Variants in ROBO1 observed in about 807,000 individuals in gnomAD.
ROBO1 encodes the protein roundabout guidance receptor 1.
A neutral mutation model predicts 195.9 loss-of-function variants in ROBO1; 149 were observed. The ratio of observed to expected loss-of-function variants is 0.76; its 90% confidence interval spans 0.67 to 0.87. The LOEUF (loss-of-function observed/expected upper bound fraction) is 0.87. Among genes scored for constraint, ROBO1 ranks in the 40% least tolerant of loss-of-function variants. The probability of loss-of-function intolerance (pLI) is 0.00; values close to 1 mark genes in which losing one functional copy is unlikely to be tolerated. For synonymous variants in ROBO1, 816 were observed against 733.2 expected, an observed-to-expected ratio of 1.11 and a Z score of -1.82; for missense variants, 1,933 against 2,068.3, an observed-to-expected ratio of 0.93 and a Z score of 1.27.
intron 3 of ROBO1, 68 bp from the exon 4 acceptor site, chr3:78,938,995 A>G: frequency 2.9e-6 from 4 of 1,363,498 alleles, no homozygotes; most frequent in Non-Finnish European, 4.1e-6. Flanking sequence ...TTTTTAAAGC[A>G]TTGGCTTAAC....
intron 1 of ROBO1, among the ~76,000 whole-genome samples, chr3:79,631,883 C>A (rs1387756114): frequency 6.6e-6 from 1 of 152,036 alleles, no homozygotes; most frequent in African/African-American, 2.4e-5. Flanking sequence ...AAATGCTCAA[C>A]ATCACTAATT....
At chr3:79,678,301 A>G (rs1234275217) in intron 1 of ROBO1, among the ~76,000 whole-genome samples, 1 of 151,966 alleles carries the variant, frequency 6.6e-6, no homozygotes, top group South Asian at 2.1e-4. Context: ...CACTATATAT[A>G]TATATATAAA....
chr3:78,884,841 ACT>A (rs139880326), intron 4 of ROBO1, among the ~76,000 whole-genome samples: 64,756 of 141,238 alleles, frequency 0.46, 16,058 homozygotes, highest in African/African-American at 0.71. Flanking sequence ...GAAGAAATAG[ACT>A]CTCTCTCTCT....
intron 3 of ROBO1, among the ~76,000 whole-genome samples, chr3:78,985,669 G>C (rs2077090440): frequency 6.6e-6 from 1 of 152,130 alleles, no homozygotes; most frequent in African/African-American, 2.4e-5. Flanking sequence ...ACGAGATCCT[G>C]GTGGCAGAGT....
intron 3 of ROBO1, among the ~76,000 whole-genome samples, chr3:78,992,309 C>T (rs896890283): frequency 6.6e-6 from 1 of 152,188 alleles, no homozygotes; most frequent in South Asian, 2.1e-4. Context: ...TTCCTTGGTA[C>T]GTTTATTGGT....
intron 3 of ROBO1, among the ~76,000 whole-genome samples, chr3:79,002,657 T>G (rs2077532598): frequency 6.6e-6 from 1 of 152,118 alleles, no homozygotes; most frequent in Non-Finnish European, 1.5e-5. Context: ...TACTATGAAT[T>G]TCCCAGGCTT....
chr3:79,652,960 C>A (rs1460433170), intron 1 of ROBO1, among the ~76,000 whole-genome samples: 1 of 151,824 alleles, frequency 6.6e-6, no homozygotes, highest in Non-Finnish European at 1.5e-5. Context: ...AACATAGTAA[C>A]CTAATTGTGC....
intron 3 of ROBO1, among the ~76,000 whole-genome samples, chr3:78,949,454 C>T (rs917340054): frequency 9.9e-5 from 15 of 151,418 alleles, no homozygotes; most frequent in African/African-American, 3.2e-4. Flanking sequence ...AACTGGCTAG[C>T]CATATGTAGA....
At chr3:78,968,101 G>A (rs2076685803) in intron 3 of ROBO1, among the ~76,000 whole-genome samples, 3 of 152,016 alleles carry the variant, frequency 2.0e-5, no homozygotes, top group Non-Finnish European at 4.4e-5. Context: ...CAAAAGATCT[G>A]CAAGTTTTAT....
chr3:78,640,004 T>G, intron 21 of ROBO1, 106 bp from the exon 22 acceptor site: 1 of 909,138 alleles, frequency 1.1e-6, no homozygotes, highest in Non-Finnish European at 1.6e-6. Context: ...ACAAATCATC[T>G]GATGAACTAT....
chr3:79,691,296 C>T (rs1027253849), intron 1 of ROBO1, among the ~76,000 whole-genome samples: 1 of 151,694 alleles, frequency 6.6e-6, no homozygotes, highest in Non-Finnish European at 1.5e-5. Flanking sequence ...TACTTACTAT[C>T]TCAATATTCC....
intron 26 of ROBO1, among the ~76,000 whole-genome samples, chr3:78,620,474 T>C (rs1704387522): frequency 6.6e-6 from 1 of 152,164 alleles, no homozygotes; most frequent in Admixed American, 6.5e-5. Context: ...ATCGTGCCAC[T>C]GCACTGCATC....
intron 21 of ROBO1, among the ~76,000 whole-genome samples, chr3:78,644,252 T>C (rs1706143517): frequency 6.6e-6 from 1 of 152,120 alleles, no homozygotes; most frequent in Non-Finnish European, 1.5e-5. Context: ...CAACTGCTGA[T>C]ATTGTACAGC....
chr3:79,066,191 G>C (rs550291404), intron 3 of ROBO1, among the ~76,000 whole-genome samples: 1 of 151,948 alleles, frequency 6.6e-6, no homozygotes, highest in African/African-American at 2.4e-5. Flanking sequence ...ACTAAGGATG[G>C]GTACTTGGGT....
chr3:79,355,187 C>CA (rs750719790), intron 2 of ROBO1, among the ~76,000 whole-genome samples: 175 of 145,930 alleles, frequency 1.2e-3, no homozygotes, highest in East Asian at 3.6e-3. Flanking sequence ...AACAAACAAA[C>CA]AAAAAAAAAA....
chr3:78,696,770 G>T (rs1418086355), intron 8 of ROBO1, among the ~76,000 whole-genome samples: 1 of 145,948 alleles, frequency 6.9e-6, no homozygotes, highest in African/African-American at 2.5e-5. Context: ...ATATAAACTG[G>T]TTTTAAGGAA....
At chr3:79,638,430 A>G (rs1455955767) in intron 1 of ROBO1, among the ~76,000 whole-genome samples, 1 of 152,056 alleles carries the variant, frequency 6.6e-6, no homozygotes, top group Non-Finnish European at 1.5e-5. Flanking sequence ...TTGCTCTGTC[A>G]CCCAGGCTGG....
chr3:79,596,682 A>T (rs1231087085), intron 1 of ROBO1, among the ~76,000 whole-genome samples: 4 of 152,090 alleles, frequency 2.6e-5, no homozygotes, highest in Non-Finnish European at 5.9e-5. Flanking sequence ...ACTCGTCTGC[A>T]AGAAAATATA....
In ROBO1 at chr3:78,668,629, A is replaced by G. The variant is rs577542809; in HGVS notation, c.1549-64T>C. On this transcript the variant is annotated intron_variant, in intron 11 of 30. Transcript: ENST00000464233. ...AAGAACTCACTGGGCTGGAAAAGCA[A>G]TTACAGGTTTGTATATGATCCATGA... 9 of 1,489,748 alleles carry G rather than the reference A, an allele frequency of 6.0e-6. No homozygotes were observed. In the African/African-American group the frequency reaches 1.1e-4, roughly 18 times the overall value. The allele number at this position is 1,489,748 out of a possible 1,614,324, so 92.3% of individuals were successfully genotyped here.
Sources: gnomAD v4.1 joint callset for allele counts (sites outside exome capture counted in the v4.1 genomes callset) on GRCh38, gnomAD v4.1.1 for gene constraint, MANE v1.5 for transcripts, NCBI Gene and HGNC (gene_info 2026-07-23, HGNC 2026-07-21) for gene names.